The following FAM20C variants were observed in gnomAD, a reference collection of about 807,000 sequenced individuals.
FAM20C encodes the protein extracellular serine/threonine protein kinase FAM20C.
A neutral mutation model predicts 51.5 loss-of-function variants in FAM20C; 40 were observed. The ratio of observed to expected loss-of-function variants is 0.78; its 90% CI spans 0.60 to 1.01. The LOEUF is 1.01. Among genes scored for constraint, FAM20C ranks in the 50% least tolerant of loss-of-function variants. FAM20C has a pLI of 0.00. For synonymous variants in FAM20C, 406 were observed against 380.6 expected, an observed-to-expected ratio of 1.07 and a Z score of -0.78; for missense variants, 861 against 844.7, an observed-to-expected ratio of 1.02 and a Z score of -0.24.
At chr7:207,325 T>G (rs374308583) in intron 2 of FAM20C, among the ~76,000 whole-genome samples, 28 of 79,944 alleles carry the variant, frequency 3.5e-4, no homozygotes, top group Middle Eastern at 0.012. Context: ...CGTCGGTCAC[T>G]GTCCCCTCGG....
At chr7:256,123 G>T in intron 6 of FAM20C, 94 bp downstream of exon 6, 3 of 1,414,016 alleles carry the variant, frequency 2.1e-6, no homozygotes. Flanking sequence ...CCACGGGGGT[G>T]GCAGAGATGG....
intron 3 of FAM20C, among the ~76,000 whole-genome samples, chr7:211,089 C>T (rs551720016): frequency 2.2e-4 from 34 of 151,644 alleles, no homozygotes; most frequent in Non-Finnish European, 3.8e-4. Flanking sequence ...GCCCAGGGTG[C>T]GCGACCTACC....
intron 3 of FAM20C, among the ~76,000 whole-genome samples, chr7:212,916 G>A (rs1464431046): frequency 6.6e-5 from 10 of 152,160 alleles, no homozygotes; most frequent in African/African-American, 2.2e-4. Flanking sequence ...CCCGTTTTCC[G>A]TGACTCCACA....
chr7:200,504 G>A (rs562132517), intron 2 of FAM20C, among the ~76,000 whole-genome samples: 4 of 152,310 alleles, frequency 2.6e-5, no homozygotes, highest in African/African-American at 9.6e-5. Flanking sequence ...GAGGCCTGGG[G>A]CCACCCAGGC....
chr7:215,232 G>GT (rs545705907), intron 3 of FAM20C, among the ~76,000 whole-genome samples: 4 of 125,820 alleles, frequency 3.2e-5, no homozygotes, highest in Non-Finnish European at 7.2e-5. Flanking sequence ...TCCAGCTGGG[G>GT]GGGGGAGCAG....
At chr7:195,326 G>A (rs1193398956) in intron 1 of FAM20C, 5 of 440,610 alleles carry the variant, frequency 1.1e-5, no homozygotes, top group African/African-American at 8.1e-5. Context: ...TGTCTCCAGA[G>A]GGTGAGTAAG....
At chr7:208,537 G>A (rs536437596) in intron 2 of FAM20C, among the ~76,000 whole-genome samples, 1 of 123,954 alleles carries the variant, frequency 8.1e-6, no homozygotes, top group South Asian at 2.7e-4. Context: ...TGTAGTGTGT[G>A]GGTGTGGTGT....
intron 2 of FAM20C, chr7:197,279 G>T (rs1271348018): frequency 6.0e-6 from 1 of 167,004 alleles, no homozygotes; most frequent in African/African-American, 2.4e-5. Context: ...TCCTGAGGAG[G>T]AACGAGCACT....
intron 3 of FAM20C, among the ~76,000 whole-genome samples, chr7:229,893 G>C (rs567443601): frequency 1.3e-5 from 2 of 152,214 alleles, no homozygotes; most frequent in East Asian, 1.9e-4. Context: ...AGTGTGTTTG[G>C]AGGAATAAGA....
chr7:214,908 A>G (rs1374843796), intron 3 of FAM20C, among the ~76,000 whole-genome samples: 1 of 152,130 alleles, frequency 6.6e-6, no homozygotes, highest in East Asian at 1.9e-4. Context: ...TCATTTAGTC[A>G]TTCCACAAAC....
In FAM20C at chr7:241,618, G is replaced by A. The variant is rs950074308; in HGVS notation, c.864-4797G>A. Among the ~76,000 whole-genome samples the A allele has an allele frequency of 2.0e-5, 3 of 151,990 alleles. No homozygotes were observed. In the South Asian group the frequency reaches 6.2e-4, roughly 32 times the overall value. ...TGTGCATATATGTCCATGCACACGT[G>A]TGCATCTGTGAGTGTGCGAGTGTAT... On this transcript the variant is annotated intron_variant, in intron 3 of 9. Transcript: ENST00000313766.
At chr7:234,977 A>G (rs1000452911) in intron 3 of FAM20C, among the ~76,000 whole-genome samples, 48 of 152,246 alleles carry the variant, frequency 3.2e-4, no homozygotes, top group African/African-American at 1.1e-3. Context: ...GGGTGGGGCT[A>G]GGCAGGGAAT....
At chr7:258,231 G>C (rs529030314) in intron 8 of FAM20C, among the ~76,000 whole-genome samples, 4 of 95,652 alleles carry the variant, frequency 4.2e-5, no homozygotes, top group East Asian at 3.0e-4. Context: ...GCTGGAGATG[G>C]GTGGGGTGGA....
chr7:232,410 C>T (rs533264718), intron 3 of FAM20C, among the ~76,000 whole-genome samples: 6 of 152,350 alleles, frequency 3.9e-5, no homozygotes, highest in South Asian at 4.1e-4. Context: ...GCAACCCTCA[C>T]ACCTGCACGC....
intron 3 of FAM20C, among the ~76,000 whole-genome samples, chr7:223,104 C>T (rs1282620730): frequency 1.3e-5 from 2 of 151,972 alleles, no homozygotes; most frequent in Middle Eastern, 3.4e-3. Flanking sequence ...GGAGTGTGCA[C>T]GTGTGTATGA....
At chr7:227,087 A>G (rs937634093) in intron 3 of FAM20C, among the ~76,000 whole-genome samples, 2 of 152,012 alleles carry the variant, frequency 1.3e-5, no homozygotes, top group African/African-American at 4.8e-5. Context: ...GTCTCCTGGA[A>G]AAGATTACCC....
intron 3 of FAM20C, among the ~76,000 whole-genome samples, chr7:220,240 C>G (rs1787193915): frequency 6.6e-6 from 1 of 152,174 alleles, no homozygotes; most frequent in South Asian, 2.1e-4. Context: ...TGCCTGAGAG[C>G]CTGTCCCTTA....
At chr7:206,163 C>T (rs1020161345) in intron 2 of FAM20C, among the ~76,000 whole-genome samples, 1 of 152,174 alleles carries the variant, frequency 6.6e-6, no homozygotes, top group Non-Finnish European at 1.5e-5. Flanking sequence ...CGTCCCCCTG[C>T]TCCACATCCC....
In FAM20C at chr7:248,537, C is replaced by T. The variant is rs536526217; in HGVS notation, c.1072+107C>T. 1,067 of 742,222 alleles carry T rather than the reference C, an allele frequency of 1.4e-3. 7 individuals are homozygous for T. Among genetic ancestry groups the T allele is most frequent in the Middle Eastern group, 0.01 (26 of 2,588 alleles). 46.0% of individuals were successfully genotyped at this position (742,222 alleles called of 1,614,324 possible). On this transcript the variant is annotated intron_variant, in intron 5 of 9. Coordinates refer to ENST00000313766, the MANE Select transcript of FAM20C (RefSeq NM_020223.4). ...CACGGGGAGCCCACATTCATCTCGC[C>T]AGGTAGCCTGGCACGGGGGCCCACA...
Sources: gnomAD v4.1 joint callset for allele counts (sites outside exome capture counted in the v4.1 genomes callset) on GRCh38, gnomAD v4.1.1 for gene constraint, MANE v1.5 for transcripts, NCBI Gene and HGNC (gene_info 2026-07-23, HGNC 2026-07-21) for gene names.